Variants in ULK4 observed in about 807,000 individuals in gnomAD.
ULK4 encodes the protein inactive serine/threonine-protein kinase ULK4.
Under a neutral mutation model 160.6 loss-of-function variants are expected in ULK4, and 133 were observed. The ratio of observed to expected loss-of-function variants is 0.83; its 90% CI spans 0.72 to 0.96. The LOEUF (loss-of-function observed/expected upper bound fraction) is 0.96, where lower values mean the gene tolerates loss of function less well. Among genes scored for constraint, ULK4 ranks in the 40% least tolerant of loss-of-function variants. The pLI, the probability that ULK4 is intolerant of heterozygous loss-of-function variation, is 0.00. For synonymous variants in ULK4, 534 were observed against 539.8 expected, an observed-to-expected ratio of 0.99 and a Z score of 0.15; for missense variants, 1,580 against 1,499.5, an observed-to-expected ratio of 1.05 and a Z score of -0.89.
At chr3:41,282,331 T>G (rs537098804) in intron 35 of ULK4, among the ~76,000 whole-genome samples, 1 of 152,246 alleles carries the variant, frequency 6.6e-6, no homozygotes, top group South Asian at 2.1e-4. Flanking sequence ...AAAAAGAGCC[T>G]GCATTGCCAA....
intron 32 of ULK4, among the ~76,000 whole-genome samples, chr3:41,560,133 C>T (rs1461527146): frequency 6.6e-6 from 1 of 152,042 alleles, no homozygotes; most frequent in Non-Finnish European, 1.5e-5. Flanking sequence ...AATCCTTTCC[C>T]CATTGCTTTT....
At chr3:41,354,355 G>C (rs1018620008) in intron 35 of ULK4, among the ~76,000 whole-genome samples, 1 of 152,078 alleles carries the variant, frequency 6.6e-6, no homozygotes, top group Admixed American at 6.6e-5. Context: ...CTTGAATAAC[G>C]TGACAGGGGC....
chr3:41,851,793 A>C (rs1030675242), intron 17 of ULK4, among the ~76,000 whole-genome samples: 12 of 152,302 alleles, frequency 7.9e-5, no homozygotes, highest in Admixed American at 5.2e-4. Flanking sequence ...AAGAGAAAGC[A>C]GGAAAGATCT....
chr3:41,745,473 G>A (rs1036854654), intron 22 of ULK4, among the ~76,000 whole-genome samples: 2 of 151,508 alleles, frequency 1.3e-5, no homozygotes, highest in Admixed American at 1.3e-4. Flanking sequence ...AAATATGCAT[G>A]GCCTTGCAAC....
intron 34 of ULK4, among the ~76,000 whole-genome samples, chr3:41,426,520 A>G (rs2082779545): frequency 6.6e-6 from 1 of 152,256 alleles, no homozygotes; most frequent in Non-Finnish European, 1.5e-5. Context: ...CATAATCTGA[A>G]GCAAAACACT....
rs181245943 is a variant in ULK4 at position 41,958,429 on chromosome 3, C to T, written c.-49+3587G>A. Among the ~76,000 whole-genome samples, 144 of 151,924 alleles carry T rather than the reference C, an allele frequency of 9.5e-4. 5 individuals are homozygous for T. Among genetic ancestry groups the T allele is most frequent in the Admixed American group, 8.9e-3 (135 of 15,220 alleles). ...AAACTGGTGAATATATTGGCAGATG[C>T]GGTGGCTCACGCCTGTAATCCCAGC... On this transcript the variant is annotated intron_variant, in intron 1 of 36. Coordinates refer to ENST00000301831, the MANE Select transcript of ULK4 (RefSeq NM_017886.4).
At chr3:41,362,515 A>G (rs747912278) in intron 35 of ULK4, among the ~76,000 whole-genome samples, 4 of 152,202 alleles carry the variant, frequency 2.6e-5, no homozygotes, top group Non-Finnish European at 5.9e-5. Flanking sequence ...TACAATGATG[A>G]TGATGGTTAA....
chr3:41,387,339 C>T (rs1295335497), intron 35 of ULK4, among the ~76,000 whole-genome samples: 2 of 151,728 alleles, frequency 1.3e-5, no homozygotes, highest in Non-Finnish European at 2.9e-5. Flanking sequence ...GGACTTATTC[C>T]TCTTATTTAG....
At chr3:41,810,394 A>G (rs2040784993) in intron 19 of ULK4, among the ~76,000 whole-genome samples, 1 of 152,148 alleles carries the variant, frequency 6.6e-6, no homozygotes, top group African/African-American at 2.4e-5. Context: ...AGGGTTCTTT[A>G]TGAGATGGTT....
At chr3:41,957,922 T>C (rs1700539885) in intron 1 of ULK4, among the ~76,000 whole-genome samples, 1 of 151,766 alleles carries the variant, frequency 6.6e-6, no homozygotes, top group Non-Finnish European at 1.5e-5. Flanking sequence ...CCTGTGCATG[T>C]AGTCCCAGCT....
At chr3:41,954,993 A>C (rs1258856432) in intron 1 of ULK4, among the ~76,000 whole-genome samples, 186 bp from the exon 2 acceptor site, 1 of 152,222 alleles carries the variant, frequency 6.6e-6, no homozygotes, top group African/African-American at 2.4e-5. Context: ...CTACGGGGCA[A>C]ATAAATAAAA....
chr3:41,371,778 C>T (rs115436773), intron 35 of ULK4, among the ~76,000 whole-genome samples: 1 of 151,962 alleles, frequency 6.6e-6, no homozygotes, highest in Non-Finnish European at 1.5e-5. Flanking sequence ...GGAAACAAAA[C>T]TGGATGGAGA....
intron 34 of ULK4, among the ~76,000 whole-genome samples, chr3:41,424,042 C>T (rs1345527699): frequency 6.6e-6 from 1 of 152,010 alleles, no homozygotes. Flanking sequence ...GACAACTGAG[C>T]TCCCAGGGGC....
chr3:41,852,546 A>G (rs1407377285), intron 17 of ULK4, among the ~76,000 whole-genome samples: 1 of 152,144 alleles, frequency 6.6e-6, no homozygotes, highest in Non-Finnish European at 1.5e-5. Flanking sequence ...GCATACTTAA[A>G]TTTGCAAGAC....
At chr3:41,708,552 A>G (rs975907586) in intron 25 of ULK4, among the ~76,000 whole-genome samples, 4 of 152,170 alleles carry the variant, frequency 2.6e-5, no homozygotes, top group Non-Finnish European at 5.9e-5. Flanking sequence ...AAGGACACAA[A>G]ATTTTGATTA....
intron 32 of ULK4, among the ~76,000 whole-genome samples, chr3:41,480,131 T>A (rs796394770): frequency 1.2e-3 from 173 of 143,598 alleles, no homozygotes; most frequent in African/African-American, 4.2e-3. Context: ...GACGTGAACC[T>A]GGGAGGCGGA....
chr3:41,526,513 G>GTCTA (rs1303860235), intron 32 of ULK4, among the ~76,000 whole-genome samples: 1 of 152,210 alleles, frequency 6.6e-6, no homozygotes, highest in Non-Finnish European at 1.5e-5. Flanking sequence ...GACAGAAATG[G>GTCTA]TCTATCAGCA....
rs533279228 is a variant in ULK4, at chr3:41,721,443, A to G, written c.2322-3582T>C. Among the ~76,000 whole-genome samples the G allele has an allele frequency of 5.6e-5, 8 of 142,464 alleles. No individual in the cohort carries two copies. In the South Asian group the frequency reaches 9.0e-4, roughly 16 times the overall value. The allele number at this position is 142,464 out of a possible 152,430, so 93.5% of individuals were successfully genotyped here. ...CATGCAGTGGCACAATCTCGGTTCAATGCAACCTCTGCCACACAGGTTCAA... is the reference window on the plus strand; with the variant it reads ...CATGCAGTGGCACAATCTCGGTTCAGTGCAACCTCTGCCACACAGGTTCAA... On this transcript the variant is annotated intron_variant, in intron 22 of 36. Coordinates refer to ENST00000301831, the MANE Select transcript of ULK4 (RefSeq NM_017886.4).
intron 22 of ULK4, among the ~76,000 whole-genome samples, chr3:41,720,706 C>G (rs1575605314): frequency 6.6e-6 from 1 of 152,072 alleles, no homozygotes; most frequent in Non-Finnish European, 1.5e-5. Flanking sequence ...CTATTTTTAC[C>G]TCATGGGGCC....
Sources: gnomAD v4.1 joint callset for allele counts (sites outside exome capture counted in the v4.1 genomes callset) on GRCh38, gnomAD v4.1.1 for gene constraint, MANE v1.5 for transcripts, NCBI Gene and HGNC (gene_info 2026-07-23, HGNC 2026-07-21) for gene names.